The following UGGT2 variants were observed in gnomAD, a reference collection of about 807,000 sequenced individuals.
UGGT2 encodes the protein UDP-glucose:glycoprotein glucosyltransferase 2.
UGGT2 carries 180 observed loss-of-function variants against 192.1 expected under a neutral mutation model. That is an observed-to-expected ratio of 0.94 (90% confidence interval 0.83 to 1.06). The LOEUF (loss-of-function observed/expected upper bound fraction) is 1.06. Ranked by LOEUF, UGGT2 falls within the 50% of genes least tolerant of loss-of-function variation. The pLI is 0.00. For synonymous variants in UGGT2, 580 were observed against 591.0 expected (o/e 0.98, Z 0.27); for missense variants, 1,849 against 1,795.7 (o/e 1.03, Z -0.54).
In UGGT2 at chr13:95,911,201, T is replaced by C. The variant is rs149283846; in HGVS notation, c.2296-8141A>G. On this transcript the variant is annotated intron_variant, in intron 20 of 38. Transcript: ENST00000376747. Reference sequence around the variant, plus strand: ...AACTAGAGAAGCAAGAGCAAACACATTCAAAAGCTAGCAGAACGCAAGAAA... The same window carrying C: ...AACTAGAGAAGCAAGAGCAAACACACTCAAAAGCTAGCAGAACGCAAGAAA... Among the ~76,000 whole-genome samples the C allele has an allele frequency of 3.1e-3, 467 of 152,122 alleles. 4 individuals are homozygous for C. The highest frequency in any genetic ancestry group is 0.01 in the African/African-American group (435 of 41,496).
chr13:96,049,976 C>G (rs140607235), intron 1 of UGGT2, among the ~76,000 whole-genome samples: 4,032 of 152,240 alleles, frequency 0.026, 61 homozygotes, highest in Non-Finnish European at 0.034. Flanking sequence ...TTGGAAAAAA[C>G]TACTTTAAAG....
chr13:95,936,479 T>A (rs1051773357), intron 17 of UGGT2, among the ~76,000 whole-genome samples: 1 of 152,162 alleles, frequency 6.6e-6, no homozygotes, highest in Non-Finnish European at 1.5e-5. Context: ...TCAGACATGG[T>A]GGGCAAGATG....
intron 27 of UGGT2, among the ~76,000 whole-genome samples, chr13:95,881,190 C>CAAAAA (rs539589310): frequency 6.6e-6 from 1 of 152,006 alleles, no homozygotes; most frequent in East Asian, 1.9e-4. Context: ...GACTCCATGT[C>CAAAAA]AAAACAAAAC....
intron 36 of UGGT2, among the ~76,000 whole-genome samples, chr13:95,837,999 G>A (rs937115929): frequency 5.9e-5 from 9 of 152,108 alleles, no homozygotes; most frequent in Non-Finnish European, 1.0e-4. Context: ...TATATAGATT[G>A]GGAAGGGAAA....
intron 4 of UGGT2, among the ~76,000 whole-genome samples, chr13:96,017,665 T>C (rs948470281): frequency 1.3e-5 from 2 of 152,218 alleles, no homozygotes; most frequent in Admixed American, 1.3e-4. Flanking sequence ...CCCTTTATAG[T>C]ACAATAAATG....
intron 20 of UGGT2, among the ~76,000 whole-genome samples, chr13:95,905,755 G>A (rs1297073364): frequency 6.6e-6 from 1 of 152,070 alleles, no homozygotes; most frequent in African/African-American, 2.4e-5. Flanking sequence ...TGTTCTTTTG[G>A]CTTAGGATTG....
rs1194138109 is a variant in UGGT2 at position 95,965,206 on chromosome 13, A to G, written c.1335+4906T>C. 4.0e-5 allele frequency among the ~76,000 whole-genome samples: 6 copies of G among 151,392 alleles called. No homozygotes were observed. The East Asian group carries it at 7.8e-4, about 20-fold the overall frequency. ...GACGATTCCTCAGGGATCTAGAACT[A>G]GAAATACCATTTGACCCAGCCATCC... On this transcript the variant is annotated intron_variant, in intron 12 of 38. Coordinates refer to ENST00000376747, the MANE Select transcript of UGGT2 (RefSeq NM_020121.4).
At chr13:95,830,704 G>T (rs532467780) in intron 38 of UGGT2, among the ~76,000 whole-genome samples, 57 of 152,270 alleles carry the variant, frequency 3.7e-4, no homozygotes, top group African/African-American at 1.3e-3. Context: ...TTCAACCATT[G>T]TGGAAGTCAG....
intron 20 of UGGT2, among the ~76,000 whole-genome samples, chr13:95,923,088 A>C (rs961081197): frequency 6.6e-6 from 1 of 152,072 alleles, no homozygotes; most frequent in African/African-American, 2.4e-5. Context: ...GTCTCACTCT[A>C]TTACCCAGGC....
intron 12 of UGGT2, among the ~76,000 whole-genome samples, chr13:95,958,922 C>T (rs1284845817): frequency 6.6e-6 from 1 of 152,198 alleles, no homozygotes; most frequent in African/African-American, 2.4e-5. Flanking sequence ...AAAGCCCCTT[C>T]ACCCTTATGG....
At chr13:95,863,780 G>C in intron 30 of UGGT2, 66 bp from the exon 31 acceptor site, 1 of 1,290,712 alleles carries the variant, frequency 7.7e-7, no homozygotes, top group Admixed American at 1.7e-5. Flanking sequence ...TGGTTAGAAA[G>C]TGAAACATAT....
chr13:95,820,671 C>T (rs185665794), intron 38 of UGGT2, among the ~76,000 whole-genome samples: 5 of 151,580 alleles, frequency 3.3e-5, no homozygotes, highest in East Asian at 3.9e-4. Flanking sequence ...AATTCCATAG[C>T]GGTGAATTCT....
intron 23 of UGGT2, 145 bp from the exon 24 acceptor site, chr13:95,894,802 T>C (rs1159246009): frequency 4.8e-6 from 3 of 624,002 alleles, no homozygotes; most frequent in Non-Finnish European, 8.3e-6. Context: ...CTACGTATAA[T>C]AGCATTTCTC....
intron 36 of UGGT2, among the ~76,000 whole-genome samples, chr13:95,850,137 T>G (rs755178772): frequency 2.0e-5 from 3 of 152,212 alleles, no homozygotes; most frequent in Non-Finnish European, 4.4e-5. Context: ...TAATGGAAGT[T>G]CTTAGTGCTA....
intron 38 of UGGT2, among the ~76,000 whole-genome samples, chr13:95,831,272 A>G (rs1289995115): frequency 1.3e-5 from 2 of 151,972 alleles, no homozygotes; most frequent in African/African-American, 4.8e-5. Flanking sequence ...AACTTAAAGT[A>G]TAATAATAAT....
intron 17 of UGGT2, among the ~76,000 whole-genome samples, chr13:95,932,173 A>G (rs1390824496): frequency 3.3e-5 from 5 of 152,198 alleles, no homozygotes; most frequent in Non-Finnish European, 5.9e-5. Context: ...TGTTAACAAT[A>G]TTTAGTCTTC....
chr13:95,986,574 A>C, intron 8 of UGGT2, 142 bp from the exon 9 acceptor site: 1 of 516,202 alleles, frequency 1.9e-6, no homozygotes, highest in East Asian at 3.5e-5. Flanking sequence ...CTGCATTTTT[A>C]AAAAGTTTTA....
intron 36 of UGGT2, among the ~76,000 whole-genome samples, chr13:95,846,178 C>T (rs1888421179): frequency 1.3e-5 from 2 of 152,174 alleles, no homozygotes; most frequent in African/African-American, 2.4e-5. Context: ...ATCCCGGCAC[C>T]TCGGGAGGCC....
At chr13:95,905,368 G>A (rs1404682861) in intron 20 of UGGT2, among the ~76,000 whole-genome samples, 2 of 151,680 alleles carry the variant, frequency 1.3e-5, no homozygotes, top group African/African-American at 4.8e-5. Context: ...TGAAGTCCTT[G>A]CCCATGCCTA....
Sources: allele counts gnomAD v4.1 joint callset (sites outside exome capture counted in the v4.1 genomes callset), GRCh38; gene constraint gnomAD v4.1.1; transcripts MANE v1.5; gene names NCBI Gene and HGNC (gene_info 2026-07-23, HGNC 2026-07-21).